Variants in GON4L observed in about 807,000 individuals in gnomAD.
The protein encoded by GON4L is GON-4-like protein.
A neutral mutation model predicts 211.8 loss-of-function variants in GON4L; 87 were observed. The ratio of observed to expected loss-of-function variants is 0.41; its 90% CI spans 0.35 to 0.49. The LOEUF (loss-of-function observed/expected upper bound fraction) is 0.49. GON4L is among the 20% of genes least tolerant of loss of function. The pLI, the probability that GON4L is intolerant of heterozygous loss-of-function variation, is 0.15. For missense variants in GON4L, 2,155 were observed against 2,659.5 expected, an observed-to-expected ratio of 0.81 and a Z score of 4.17; for synonymous variants, 875 against 962.6, an observed-to-expected ratio of 0.91 and a Z score of 1.68.
At chr1:155,745,789 G>C, downstream of GON4L, 1 of 669,588 alleles carries the variant, frequency 1.5e-6, no homozygotes, top group African/African-American at 1.8e-5. Flanking sequence ...AGCAGCGAGC[G>C]GCGCGGCTGA....
chr1:155,749,894 A>G lies in GON4L; in HGVS notation c.*690T>C. Reference sequence around the variant, plus strand: ...CCCAGGGCAGAATAATCATCCATCTACAGGTCTCTGTTTCCTCTCCCTCCA... The same window carrying G: ...CCCAGGGCAGAATAATCATCCATCTGCAGGTCTCTGTTTCCTCTCCCTCCA... On this transcript the variant is annotated 3_prime_UTR_variant, in exon 32 of 32. Coordinates refer to ENST00000368331, the MANE Select transcript of GON4L (RefSeq NM_001282860.2). 6.3e-7 allele frequency: 1 copy of G among 1,596,098 alleles called. No homozygotes were observed. The highest frequency in any genetic ancestry group is 8.5e-7 in the Non-Finnish European group (1 of 1,169,812).
At chr1:155,818,274 G>C (rs1329610337) in intron 6 of GON4L, among the ~76,000 whole-genome samples, 1 of 151,990 alleles carries the variant, frequency 6.6e-6, no homozygotes, top group Non-Finnish European at 1.5e-5. Flanking sequence ...CACACGCCCA[G>C]CTAACTGTTG....
chr1:155,779,466 G>A (rs1214774703), intron 14 of GON4L, among the ~76,000 whole-genome samples: 2 of 149,586 alleles, frequency 1.3e-5, no homozygotes, highest in African/African-American at 2.5e-5. Context: ...ACAGACACAC[G>A]CCATCACACC....
chr1:155,794,089 T>A (rs1049710021), intron 12 of GON4L, among the ~76,000 whole-genome samples: 1 of 152,108 alleles, frequency 6.6e-6, no homozygotes, highest in Non-Finnish European at 1.5e-5. Flanking sequence ...CTTTTTTTTT[T>A]CAGGCGGAGC....
At position 155,784,026 on chromosome 1, in the gene GON4L, C is replaced by T; in HGVS notation, c.1852G>A (p.Ala618Thr). 2 of 1,614,106 alleles carry T rather than the reference C, an allele frequency of 1.2e-6. No homozygotes were observed. The highest frequency in any genetic ancestry group is 1.7e-6 in the Non-Finnish European group (2 of 1,179,958). ...DDGPEEEECV[A>T]EPRPNFNTPQ... ...GTGTTAAAGTTAGGACGAGGCTCAG[C>T]TACACACTCCTCCTCTTCTGGGCCA... is the stretch of plus-strand genomic sequence containing the variant. The change falls in exon 14 of 32, where the codon GCT (alanine) becomes ACT (threonine). Residue 618 changes from alanine (A) to threonine (T), a missense_variant. Transcript: ENST00000368331.
intron 10 of GON4L, among the ~76,000 whole-genome samples, chr1:155,810,706 CAAA>C (rs34418869): frequency 8.4e-5 from 9 of 106,888 alleles, no homozygotes; most frequent in Admixed American, 2.0e-4. Context: ...GACTCCGTCT[CAAA>C]AAAAAAAAAA....
chr1:155,760,205 T>G lies in GON4L; in HGVS notation c.5109+239A>C, dbSNP rs146436717. Among the ~76,000 whole-genome samples, 262 of 152,162 alleles carry G rather than the reference T, an allele frequency of 1.7e-3. 1 individual carries two copies. The highest frequency in any genetic ancestry group is 6.1e-3 in the African/African-American group (252 of 41,528). ...AGAAGCAGAGAGCATATGACTCACC[T>G]AAGGTGTCCTTTGGCAACTATAGGT... On this transcript the variant is annotated intron_variant, in intron 24 of 31. Transcript: ENST00000368331.
chr1:155,756,826 G>A (rs966693775), intron 27 of GON4L, 132 bp downstream of exon 27: 9 of 668,754 alleles, frequency 1.3e-5, no homozygotes, highest in Non-Finnish European at 2.3e-5. Context: ...CTACTTGAGA[G>A]GCTGAGGTGG....
chr1:155,778,269 T>C (rs1664036333), intron 14 of GON4L, among the ~76,000 whole-genome samples: 1 of 152,144 alleles, frequency 6.6e-6, no homozygotes, highest in Non-Finnish European at 1.5e-5. Flanking sequence ...AAATATTTTT[T>C]GAGACACAGT....
intron 11 of GON4L, among the ~76,000 whole-genome samples, chr1:155,801,868 G>A (rs956706014): frequency 6.6e-6 from 1 of 152,034 alleles, no homozygotes; most frequent in African/African-American, 2.4e-5. Flanking sequence ...GGGCGACAGA[G>A]CGAGACTCTG....
rs972490641 is a variant in GON4L at position 155,750,587 on chromosome 1, T to C, written c.6723A>G (p.Glu2241=). 1.3e-6 allele frequency: 2 copies of C among 1,586,902 alleles called. No individual in the cohort carries two copies. The highest frequency in any genetic ancestry group is 1.7e-5 in the Admixed American group (1 of 59,636). Reference sequence around the variant, plus strand: ...TGTGTAGATGATTCCCAGAGTCTCATTCATCCAGCTCCTCTTCAGACAGAA... The same window carrying C: ...TGTGTAGATGATTCCCAGAGTCTCACTCATCCAGCTCCTCTTCAGACAGAA... ...GDLLSEEELD[E] The change falls in exon 32 of 32, where the codon GAA becomes GAG. Residue 2241 remains glutamate (E), a synonymous_variant. Transcript: ENST00000368331.
intron 11 of GON4L, among the ~76,000 whole-genome samples, 169 bp from the exon 12 acceptor site, chr1:155,795,320 G>A (rs868578964): frequency 2.6e-4 from 40 of 151,640 alleles, no homozygotes; most frequent in Middle Eastern, 6.9e-3. Flanking sequence ...TCCACCTCCC[G>A]GGCTCAAGTG....
chr1:155,782,734 A>G (rs1027016232), intron 14 of GON4L, among the ~76,000 whole-genome samples: 1 of 152,062 alleles, frequency 6.6e-6, no homozygotes, highest in African/African-American at 2.4e-5. Flanking sequence ...ATCTCAGCTC[A>G]CTGCAACCTC....
At chr1:155,794,952 A>G in intron 12 of GON4L, 98 bp downstream of exon 12, 2 of 768,698 alleles carry the variant, frequency 2.6e-6, no homozygotes, top group Non-Finnish European at 4.8e-6. Flanking sequence ...ATGTCTTAAC[A>G]TGGATGAGCT....
downstream of GON4L, among the ~76,000 whole-genome samples, chr1:155,745,231 T>A (rs1660214086): frequency 6.6e-6 from 1 of 152,168 alleles, no homozygotes; most frequent in Non-Finnish European, 1.5e-5. Context: ...TAAACCATAT[T>A]GAGCAAAAGA....
intron 2 of GON4L, among the ~76,000 whole-genome samples, chr1:155,843,223 C>T (rs1341542120): frequency 6.6e-6 from 1 of 152,138 alleles, no homozygotes; most frequent in Non-Finnish European, 1.5e-5. Flanking sequence ...CAATCTAACT[C>T]GCTGTGGAAT....
At chr1:155,773,303 C>T in intron 17 of GON4L, 93 bp from the exon 18 acceptor site, 1 of 1,382,442 alleles carries the variant, frequency 7.2e-7, no homozygotes, top group Non-Finnish European at 1.0e-6. Flanking sequence ...TAGGTAGGAG[C>T]TATCCTTACC....
Position 155,754,304 on chromosome 1 carries a change from G to A in GON4L, c.5631+71C>T, listed in dbSNP as rs538933346. 3.3e-6 allele frequency: 3 copies of A among 906,586 alleles called. No individual in the cohort carries two copies. In the South Asian group the frequency reaches 3.9e-5, roughly 12 times the overall value. The allele number at this position is 906,586 out of a possible 1,614,324, so 56.2% of individuals were successfully genotyped here. A position where few individuals can be genotyped will look rare whatever the true frequency, so the allele number is the denominator to read the frequency against. On this transcript the variant is annotated intron_variant, in intron 28 of 31. Transcript: ENST00000368331. ...ATGTGCCTTTTTAGGAATTCAGTAA[G>A]GTACAATTCTTGGTAGCAAACAATC... is the stretch of plus-strand genomic sequence containing the variant.
At chr1:155,835,298 A>T (rs190976328) in intron 2 of GON4L, among the ~76,000 whole-genome samples, 1 of 152,092 alleles carries the variant, frequency 6.6e-6, no homozygotes. Context: ...ACCACTCCCT[A>T]ATCTCAAGGA....
Sources: allele counts gnomAD v4.1 joint callset (sites outside exome capture counted in the v4.1 genomes callset), GRCh38; gene constraint gnomAD v4.1.1; transcripts MANE v1.5; gene names NCBI Gene and HGNC (gene_info 2026-07-23, HGNC 2026-07-21).